Variants in DCAF6 observed in about 807,000 individuals in gnomAD.
DCAF6 encodes DDB1- and CUL4-associated factor 6.
A neutral mutation model predicts 125.1 loss-of-function variants in DCAF6; 54 were observed. The observed-to-expected ratio is 0.43, with a 90% CI of 0.35 to 0.54. DCAF6 has a LOEUF of 0.54. DCAF6 is among the 20% of genes least tolerant of loss of function. The pLI, the probability that DCAF6 is intolerant of heterozygous loss-of-function variation, is 0.01. For synonymous variants in DCAF6, 371 were observed against 390.4 expected (o/e 0.95, Z 0.58); for missense variants, 934 against 1,161.7 (o/e 0.80, Z 2.85).
At chr1:168,044,734 ATC>A (rs1341130964) in intron 15 of DCAF6, 63 bp downstream of exon 15, 1 of 1,468,458 alleles carries the variant, frequency 6.8e-7, no homozygotes, top group East Asian at 2.3e-5. Flanking sequence ...ATCTATGTTA[ATC>A]TCTCTATAGT....
At chr1:167,927,481 A>C in the DCAF6 span, among the ~76,000 whole-genome samples, 1 of 152,188 alleles carries the variant, frequency 6.6e-6, no homozygotes, top group Non-Finnish European at 1.5e-5. Flanking sequence ...TCGCTTCATC[A>C]ATCAAGAGTC....
intron 12 of DCAF6, among the ~76,000 whole-genome samples, chr1:168,025,922 A>G (rs1686283127): frequency 6.6e-6 from 1 of 152,324 alleles, no homozygotes; most frequent in African/African-American, 2.4e-5. Flanking sequence ...GTCTCAGGCC[A>G]CTATCCCATC....
chr1:167,875,595 T>C, the DCAF6 span, among the ~76,000 whole-genome samples: 1 of 152,246 alleles, frequency 6.6e-6, no homozygotes, highest in Admixed American at 6.5e-5. Context: ...GCTATGTGTC[T>C]GGCGCAGTTC....
intron 7 of DCAF6, among the ~76,000 whole-genome samples, chr1:167,997,844 C>T (rs973809214): frequency 6.6e-6 from 1 of 151,820 alleles, no homozygotes; most frequent in Non-Finnish European, 1.5e-5. Context: ...ATATATAATA[C>T]TTTTTTTTCC....
chr1:167,893,950 G>A, the DCAF6 span: 2 of 1,608,288 alleles, frequency 1.2e-6, no homozygotes, highest in Non-Finnish European at 1.7e-6. Flanking sequence ...GTCTAAGAAG[G>A]CAGAAGGAGG....
At chr1:167,933,538 C>A (rs1670973442), upstream of DCAF6, among the ~76,000 whole-genome samples, 1 of 152,206 alleles carries the variant, frequency 6.6e-6, no homozygotes, top group Non-Finnish European at 1.5e-5. Flanking sequence ...AATCTAGAAT[C>A]AGCAATGTAT....
Position 168,075,654 on chromosome 1 carries a change from G to T in DCAF6, c.*219G>T, listed in dbSNP as rs758440158. 8 of 447,388 alleles carry T rather than the reference G, an allele frequency of 1.8e-5. No individual in the cohort carries two copies. In the South Asian group the frequency reaches 3.0e-4, roughly 17 times the overall value. The allele number at this position is 447,388 out of a possible 1,614,324, so 27.7% of individuals were successfully genotyped here. ...CAGAATGTTTTTAAAACTTTTTGCC[G>T]TGTATGAGGAGTGCTAGAAAATGCA... is the stretch of plus-strand genomic sequence containing the variant. On this transcript the variant is annotated 3_prime_UTR_variant, in exon 22 of 22. Transcript: ENST00000367840.
intron 3 of DCAF6, chr1:167,969,319 CTGGAT>C (rs2102852702): frequency 6.6e-6 from 1 of 152,234 alleles, no homozygotes; most frequent in South Asian, 2.1e-4. Context: ...GTTTAAGAAA[CTGGAT>C]TTTTATCAGT....
At chr1:167,995,146 C>T (rs772126340) in intron 7 of DCAF6, among the ~76,000 whole-genome samples, 4 of 152,012 alleles carry the variant, frequency 2.6e-5, no homozygotes, top group Non-Finnish European at 5.9e-5. Context: ...CCTTGAAATA[C>T]ATGGGTAAGT....
the DCAF6 span, chr1:167,918,473 C>G: frequency 1.7e-6 from 1 of 598,746 alleles, no homozygotes; most frequent in Non-Finnish European, 2.8e-6. Flanking sequence ...AGTAGCTATA[C>G]AGTTGTAAAC....
chr1:167,976,875 A>C (rs1678272417), intron 4 of DCAF6, among the ~76,000 whole-genome samples: 1 of 133,000 alleles, frequency 7.5e-6, no homozygotes, highest in Non-Finnish European at 1.6e-5. Context: ...CTGAAGGTAC[A>C]TCCTTTAGCA....
At chr1:167,974,796 A>T in intron 3 of DCAF6, 34 bp from the exon 4 acceptor site, 1 of 1,433,172 alleles carries the variant, frequency 7.0e-7, no homozygotes, top group Non-Finnish European at 9.2e-7. Flanking sequence ...GGAAATAATA[A>T]GTTACCATTA....
chr1:167,947,202 G>C (rs1227114722), intron 1 of DCAF6, among the ~76,000 whole-genome samples: 1 of 152,060 alleles, frequency 6.6e-6, no homozygotes, highest in Non-Finnish European at 1.5e-5. Context: ...TACTTCTGTG[G>C]AATCAGTTGT....
At chr1:167,896,822 T>G in the DCAF6 span, 17 of 673,370 alleles carry the variant, frequency 2.5e-5, no homozygotes, top group Non-Finnish European at 3.2e-5. Context: ...ACCAAGACTA[T>G]TTGATTTGTA....
intron 18 of DCAF6, chr1:168,064,017 T>TTTG: frequency 7.0e-6 from 1 of 142,098 alleles, no homozygotes; most frequent in Non-Finnish European, 1.4e-5. Context: ...TTGCTTTTGT[T>TTTG]TTTTTTTTTT....
At chr1:168,049,431 GTTTTTTTTTT>G (rs11369573) in intron 16 of DCAF6, among the ~76,000 whole-genome samples, 1 of 101,234 alleles carries the variant, frequency 9.9e-6, no homozygotes, top group African/African-American at 4.1e-5. Context: ...TGTTGTTGTT[GTTTTTTTTTT>G]TTTTTTTTTT....
chr1:167,887,937 C>T, the DCAF6 span, among the ~76,000 whole-genome samples: 8 of 152,024 alleles, frequency 5.3e-5, no homozygotes, highest in African/African-American at 1.9e-4. Context: ...GTCTCAAAGT[C>T]CATTTTGACT....
At chr1:168,024,897 C>T (rs1686144939) in intron 12 of DCAF6, among the ~76,000 whole-genome samples, 1 of 150,802 alleles carries the variant, frequency 6.6e-6, no homozygotes. Context: ...ACCTGTATTA[C>T]TATAAGGTTT....
At chr1:167,942,079 T>C (rs557789058) in intron 1 of DCAF6, among the ~76,000 whole-genome samples, 1 of 152,180 alleles carries the variant, frequency 6.6e-6, no homozygotes, top group Non-Finnish European at 1.5e-5. Context: ...CTTTTTTTGT[T>C]TTTGAGACGG....
Sources: allele counts gnomAD v4.1 joint callset (sites outside exome capture counted in the v4.1 genomes callset), GRCh38; gene constraint gnomAD v4.1.1; transcripts MANE v1.5; gene names NCBI Gene and HGNC (gene_info 2026-07-23, HGNC 2026-07-21).